ZNF66: variants seen among roughly 807,000 people sequenced by gnomAD.
ZNF66 encodes the protein zinc finger protein 66.
In ZNF66, 32 loss-of-function variants were observed where a neutral mutation model predicts 35.2. The ratio of observed to expected loss-of-function variants is 0.91; its 90% CI spans 0.69 to 1.22. The LOEUF (loss-of-function observed/expected upper bound fraction) is 1.22. Ranked by LOEUF, ZNF66 falls within the 50% of genes most tolerant of loss-of-function variation. The pLI, the probability that ZNF66 is intolerant of heterozygous loss-of-function variation, is 0.00. For missense variants in ZNF66, 666 were observed against 543.1 expected (o/e 1.23, Z -2.25); for synonymous variants, 231 against 181.3 (o/e 1.27, Z -2.20).
chr19:20,793,750 C>A, intron 2 of ZNF66, 33 bp from the exon 3 acceptor site: 1 of 789,776 alleles, frequency 1.3e-6, no homozygotes, highest in Non-Finnish European at 1.9e-6. Context: ...AGAATGTGAG[C>A]AAGATTCATG....
rs760223452 is a variant in ZNF66 at position 20,791,282 on chromosome 19, C to G, written c.4-1230C>G. 6.6e-5 allele frequency among the ~76,000 whole-genome samples: 10 copies of G among 152,060 alleles called. 1 individual carries two copies. Among genetic ancestry groups the G allele is most frequent in the Middle Eastern group, 6.8e-3 (2 of 294 alleles). The stretch of plus-strand genomic sequence containing the variant: ...GGCAGATCGCCTGAAGTCAGGAATT[C>G]GAGACCAACCTGGCCAACATGGTGG... On this transcript the variant is annotated intron_variant, in intron 1 of 3. Coordinates refer to ENST00000344519, the MANE Select transcript of ZNF66 (RefSeq NM_001355197.2).
At chr19:20,792,346 G>A (rs1346790348) in intron 1 of ZNF66, among the ~76,000 whole-genome samples, 166 bp from the exon 2 acceptor site, 1 of 151,596 alleles carries the variant, frequency 6.6e-6, no homozygotes, top group East Asian at 1.9e-4. Context: ...CAGAGTTAGA[G>A]AATACTTTAG....
chr19:20,799,078 T>TTTTTTTTTTTTTTTTTTC (rs1460346688), intron 3 of ZNF66: 1 of 139,998 alleles, frequency 7.1e-6, no homozygotes, highest in African/African-American at 2.7e-5. Flanking sequence ...TTTTTTTTTT[T>TTTTTTTTTTTTTTTTTTC]TGAGATGGAA....
At chr19:20,796,223 CTT>C (rs969770823) in intron 3 of ZNF66, among the ~76,000 whole-genome samples, 4 of 141,656 alleles carry the variant, frequency 2.8e-5, no homozygotes, top group South Asian at 2.1e-4. Context: ...AGATGGCTGA[CTT>C]TTTTTTTTGC....
intron 3 of ZNF66, among the ~76,000 whole-genome samples, chr19:20,802,055 G>A (rs913065313): frequency 6.6e-6 from 1 of 152,032 alleles, no homozygotes; most frequent in Non-Finnish European, 1.5e-5. Flanking sequence ...GCTAATATAT[G>A]TGCTGCCTTC....
intron 1 of ZNF66, among the ~76,000 whole-genome samples, chr19:20,781,425 C>G (rs1266042259): frequency 2.0e-5 from 3 of 152,106 alleles, no homozygotes; most frequent in African/African-American, 7.2e-5. Flanking sequence ...TGTTGTTCTC[C>G]TCTTTGTGTT....
intron 3 of ZNF66, chr19:20,794,150 T>C: frequency 1.8e-6 from 1 of 541,772 alleles, no homozygotes; most frequent in Non-Finnish European, 3.4e-6. Flanking sequence ...GTCCTCTTCA[T>C]GACATATAAG....
At chr19:20,791,453 C>G (rs1327289024) in intron 1 of ZNF66, among the ~76,000 whole-genome samples, 1 of 148,022 alleles carries the variant, frequency 6.8e-6, no homozygotes, top group East Asian at 2.0e-4. Flanking sequence ...CCATTGCACT[C>G]CAGCCTGGGG....
chr19:20,802,660 ATGT>A (rs1458777941), intron 3 of ZNF66, among the ~76,000 whole-genome samples: 5 of 152,124 alleles, frequency 3.3e-5, no homozygotes, highest in African/African-American at 7.2e-5. Context: ...GTGTATCCTG[ATGT>A]TGTTGAGGAG....
At chr19:20,788,316 C>T (rs1380683097) in intron 1 of ZNF66, among the ~76,000 whole-genome samples, 1 of 152,118 alleles carries the variant, frequency 6.6e-6, no homozygotes, top group Admixed American at 6.5e-5. Flanking sequence ...ACAATAAACA[C>T]GTGTCCAAAA....
chr19:20,780,311 C>CCAG (rs1422019182), intron 1 of ZNF66, among the ~76,000 whole-genome samples: 1 of 152,116 alleles, frequency 6.6e-6, no homozygotes, highest in Non-Finnish European at 1.5e-5. Context: ...CCAGTATTAT[C>CCAG]TATGTGTTTC....
chr19:20,784,686 A>G (rs1971272067), intron 1 of ZNF66: 2 of 152,222 alleles, frequency 1.3e-5, no homozygotes, highest in Admixed American at 1.3e-4. Flanking sequence ...GAGATGGAAA[A>G]GAAACTTTAT....
Position 20,807,220 on chromosome 19 carries a change from T to C in ZNF66, c.1620T>C (p.Asn540=). The C allele has an allele frequency of 1.6e-6, 1 of 619,404 alleles. No individual in the cohort carries two copies. Among genetic ancestry groups the C allele is most frequent in the Non-Finnish European group, 2.9e-6 (1 of 341,634 alleles). The allele number at this position is 619,404 out of a possible 1,614,324, so 38.4% of individuals were successfully genotyped here. A position where few individuals can be genotyped will look rare whatever the true frequency, so the allele number is the denominator to read the frequency against. ...IHTGGKPHKC[N]KCGKAFISSS... Reference sequence around the variant, plus strand: ...CTGGAGGGAAACCACACAAGTGCAATAAATGTGGCAAAGCCTTTATTTCAT... The same window carrying C: ...CTGGAGGGAAACCACACAAGTGCAACAAATGTGGCAAAGCCTTTATTTCAT... The change falls in exon 4 of 4, where the codon AAT becomes AAC. Residue 540 remains asparagine, a synonymous_variant. Coordinates refer to ENST00000344519, the MANE Select transcript of ZNF66 (RefSeq NM_001355197.2).
chr19:20,795,604 C>T (rs542882936), intron 3 of ZNF66, among the ~76,000 whole-genome samples: 2 of 151,116 alleles, frequency 1.3e-5, no homozygotes, highest in African/African-American at 2.4e-5. Context: ...TGACCTCAGG[C>T]GATCCGCCCG....
At chr19:20,794,199 A>G (rs1971370112) in intron 3 of ZNF66, 2 of 338,056 alleles carry the variant, frequency 5.9e-6, no homozygotes, top group Non-Finnish European at 1.1e-5. Context: ...TGTTTTGGGG[A>G]CACACAAATA....
In ZNF66 at chr19:20,806,565, TC is replaced by T; in HGVS notation, c.966del (p.Phe322LeufsTer40). 6.3e-7 allele frequency: 1 copy of T among 1,580,238 alleles called. No homozygotes were observed. Among genetic ancestry groups the T allele is most frequent in the Non-Finnish European group, 8.7e-7 (1 of 1,150,404 alleles). ...PYKCEECGKAFNWSSHLTTHK... is the reference protein window; with the variant it reads ...PYKCEECGKAXNWSSHLTTHK... ...AAATGTGAAGAATGTGGTAAAGCCT[TC>T]AACTGGTCCTCACACCTTACTACAC... On this transcript the variant is annotated frameshift_variant, in exon 4 of 4. Coordinates refer to ENST00000344519, the MANE Select transcript of ZNF66 (RefSeq NM_001355197.2). LOFTEE classifies it high-confidence loss of function.
At chr19:20,777,237 A>G (rs1265754410) in intron 1 of ZNF66, among the ~76,000 whole-genome samples, 1 of 151,840 alleles carries the variant, frequency 6.6e-6, no homozygotes, top group Non-Finnish European at 1.5e-5. Flanking sequence ...GGTCCATGGG[A>G]GAGGCTTGAA....
At chr19:20,798,898 A>AT (rs1046111502) in intron 3 of ZNF66, 1 of 152,028 alleles carries the variant, frequency 6.6e-6, no homozygotes, top group African/African-American at 2.4e-5. Context: ...TGTATGTTAT[A>AT]TTTTTTGATG....
Position 20,808,098 on chromosome 19 carries a change from TCAC to T in ZNF66, c.*777_*779del, listed in dbSNP as rs1166410410. ...CAGAGGGTCCTATGCCCATGGAGTC[TCAC>T]TGATTGCTAGCACAGCAGTCTGAGA... On this transcript the variant is annotated 3_prime_UTR_variant, in exon 4 of 4. Transcript: ENST00000344519. 1.3e-5 allele frequency among the ~76,000 whole-genome samples: 2 copies of T among 148,184 alleles called. No homozygotes were observed. Among genetic ancestry groups the T allele is most frequent in the African/African-American group, 5.1e-5 (2 of 39,322 alleles).
Sources: allele counts gnomAD v4.1 joint callset (sites outside exome capture counted in the v4.1 genomes callset), GRCh38; gene constraint gnomAD v4.1.1; transcripts MANE v1.5; gene names NCBI Gene and HGNC (gene_info 2026-07-23, HGNC 2026-07-21).